The following PSMF1 variants were observed in gnomAD, a reference collection of about 807,000 sequenced individuals.
PSMF1 encodes the protein proteasome inhibitor subunit 1.
In PSMF1, 30 loss-of-function variants were observed where a neutral mutation model predicts 29.3. The observed-to-expected ratio is 1.02, with a 90% confidence interval of 0.77 to 1.39. PSMF1 has a LOEUF of 1.39. PSMF1 is among the 40% of genes most tolerant of loss of function. PSMF1 has a pLI of 0.00. For synonymous variants in PSMF1, 134 were observed against 139.7 expected (o/e 0.96, Z 0.29); for missense variants, 344 against 357.5 (o/e 0.96, Z 0.31).
At chr20:1,153,551 G>A (rs1420617042) in intron 4 of PSMF1, among the ~76,000 whole-genome samples, 1 of 151,902 alleles carries the variant, frequency 6.6e-6, no homozygotes, top group African/African-American at 2.4e-5. Context: ...GGTCAACTGT[G>A]CCATACAACG....
chr20:1,137,641 GA>G, intron 4 of PSMF1, among the ~76,000 whole-genome samples: 1 of 152,126 alleles, frequency 6.6e-6, no homozygotes, highest in Non-Finnish European at 1.5e-5. Context: ...GGGAGAAAAG[GA>G]GGCTCTTGTG....
intron 4 of PSMF1, chr20:1,160,696 C>G: frequency 2.0e-6 from 1 of 492,688 alleles, no homozygotes; most frequent in Non-Finnish European, 4.1e-6. Flanking sequence ...GTCAGGTGCC[C>G]CCAACACCAG....
chr20:1,125,650 G>A lies in PSMF1; in HGVS notation c.282G>A (p.Leu94=). 2 of 1,610,050 alleles carry A rather than the reference G, an allele frequency of 1.2e-6. No individual in the cohort carries two copies. Among genetic ancestry groups the A allele is most frequent in the East Asian group, 4.5e-5 (2 of 44,848 alleles). ...AGAGCAGCATGATCCTCAATGTGCT[G>A]GTGAGTCTCTGGGACACGTGAGTCT... ...TVESSMILNV[L]EYGSQQVADL... Residue 94 remains leucine, a splice_region_variant and synonymous_variant, in exon 2 of 7, where the codon CTG becomes CTA. Transcript: ENST00000335877.
rs2086715341 is a variant in PSMF1 at position 1,165,280 on chromosome 20, C to T, written c.*200C>T. ...CTCTCCACCTAGCTGCAGATAGCTC[C>T]CAAAGAGAAATCAGTGTGTCTCTTT... On this transcript the variant is annotated 3_prime_UTR_variant, in exon 7 of 7. Coordinates refer to ENST00000335877, the MANE Select transcript of PSMF1 (RefSeq NM_006814.5). 7.0e-7 allele frequency: 1 copy of T among 1,418,914 alleles called. No homozygotes were observed. The highest frequency in any genetic ancestry group is 1.6e-5 in the South Asian group (1 of 64,466). The allele number at this position is 1,418,914 out of a possible 1,614,324, so 87.9% of individuals were successfully genotyped here. A position where few individuals can be genotyped will look rare whatever the true frequency, so the allele number is the denominator to read the frequency against.
intron 4 of PSMF1, among the ~76,000 whole-genome samples, chr20:1,149,616 T>G (rs969460523): frequency 1.3e-5 from 2 of 152,240 alleles, no homozygotes; most frequent in Non-Finnish European, 2.9e-5. Context: ...TTTGTCATTC[T>G]TTCAAGTAAA....
At chr20:1,151,307 T>G (rs2086527663) in intron 4 of PSMF1, among the ~76,000 whole-genome samples, 1 of 152,210 alleles carries the variant, frequency 6.6e-6, no homozygotes, top group Non-Finnish European at 1.5e-5. Context: ...GAAGCTGAAG[T>G]TCATGTACAG....
intron 4 of PSMF1, chr20:1,161,669 C>A (rs1299252525): frequency 4.5e-6 from 3 of 666,288 alleles, no homozygotes; most frequent in Non-Finnish European, 8.4e-6. Flanking sequence ...CAAGTCGGGC[C>A]CCTCCATGTC....
chr20:1,165,635 T>C lies in PSMF1; in HGVS notation c.*555T>C, dbSNP rs1233240267. 1.7e-5 allele frequency: 17 copies of C among 996,896 alleles called. No individual in the cohort carries two copies. The highest frequency in any genetic ancestry group is 2.0e-5 in the Non-Finnish European group (17 of 836,326). 61.8% of individuals were successfully genotyped at this position (996,896 alleles called of 1,614,324 possible). A position where few individuals can be genotyped will look rare whatever the true frequency, so the allele number is the denominator to read the frequency against. ...TAATTGCCATTGCTCCTGACATCAC[T>C]AAGATGGGTCCCCTTCTGGCTGCAT... On this transcript the variant is annotated 3_prime_UTR_variant, in exon 7 of 7. Transcript: ENST00000335877.
intron 1 of PSMF1, 113 bp downstream of exon 1, chr20:1,119,015 C>A: frequency 7.1e-7 from 1 of 1,415,586 alleles, no homozygotes. Context: ...AGTGCAGGGT[C>A]TGGGGCAGAT....
At chr20:1,130,224 A>G (rs1031233945) in intron 3 of PSMF1, among the ~76,000 whole-genome samples, 1 of 152,182 alleles carries the variant, frequency 6.6e-6, no homozygotes, top group African/African-American at 2.4e-5. Context: ...GTTTTGCAAA[A>G]TGAAAAGAGA....
chr20:1,122,576 A>G (rs973106443), intron 1 of PSMF1, among the ~76,000 whole-genome samples: 5 of 152,200 alleles, frequency 3.3e-5, no homozygotes, highest in Non-Finnish European at 5.9e-5. Context: ...CTGGGATTAC[A>G]GGCAAGAGCC....
chr20:1,135,009 G>A (rs771864272), intron 3 of PSMF1, 112 bp from the exon 4 acceptor site: 14 of 1,049,140 alleles, frequency 1.3e-5, no homozygotes, highest in East Asian at 4.9e-5. Context: ...CAGGCCAAGC[G>A]CAATGCCAGG....
Position 1,165,211 on chromosome 20 carries a change from GA to G in PSMF1, c.*132del, listed in dbSNP as rs1190989493. On this transcript the variant is annotated 3_prime_UTR_variant, in exon 7 of 7. Coordinates refer to ENST00000335877, the MANE Select transcript of PSMF1 (RefSeq NM_006814.5). ...GCTCATGTGTTTGCAGACCGGCTGG[GA>G]TAGCCTCCCCACCCCTTATCAGAGC... 3 of 1,515,332 alleles carry G rather than the reference GA, an allele frequency of 2.0e-6. No individual in the cohort carries two copies. Among genetic ancestry groups the G allele is most frequent in the Non-Finnish European group, 2.7e-6 (3 of 1,129,852 alleles). 93.9% of individuals were successfully genotyped at this position (1,515,332 alleles called of 1,614,324 possible).
intron 3 of PSMF1, among the ~76,000 whole-genome samples, chr20:1,133,569 A>ATATATATATATATATATATTTTTTTTT: frequency 9.4e-5 from 5 of 53,294 alleles, no homozygotes; most frequent in East Asian, 6.2e-4. Flanking sequence ...ATATATATAT[A>ATATATATATATATATATATTTTTTTTT]TTTTTTTTTT....
chr20:1,145,715 G>T (rs1457795163), intron 4 of PSMF1, among the ~76,000 whole-genome samples: 1 of 152,206 alleles, frequency 6.6e-6, no homozygotes, highest in Non-Finnish European at 1.5e-5. Context: ...TTTACTAAGT[G>T]AAGGCTCTGA....
intron 3 of PSMF1, 131 bp from the exon 4 acceptor site, chr20:1,134,990 A>T: frequency 1.1e-6 from 1 of 879,290 alleles, no homozygotes; most frequent in Non-Finnish European, 1.8e-6. Flanking sequence ...CTGTTCCCCC[A>T]CTTATAAACA....
intron 4 of PSMF1, among the ~76,000 whole-genome samples, chr20:1,150,941 T>A (rs57097943): frequency 0.012 from 1,766 of 152,314 alleles, 33 homozygotes; most frequent in African/African-American, 0.041. Flanking sequence ...AAATATTTTT[T>A]ATGTGTGGTG....
chr20:1,156,835 T>G (rs1331885143), intron 4 of PSMF1, among the ~76,000 whole-genome samples: 1 of 151,166 alleles, frequency 6.6e-6, no homozygotes, highest in East Asian at 1.9e-4. Context: ...AAAAGAAGAG[T>G]GGTAGAAATG....
chr20:1,160,693 GC>G, intron 4 of PSMF1: 1 of 492,978 alleles, frequency 2.0e-6, no homozygotes, highest in Non-Finnish European at 4.1e-6. Flanking sequence ...ACTGTCAGGT[GC>G]CCCCAACACC....
Sources: allele counts gnomAD v4.1 joint callset (sites outside exome capture counted in the v4.1 genomes callset), GRCh38; gene constraint gnomAD v4.1.1; transcripts MANE v1.5; gene names NCBI Gene and HGNC (gene_info 2026-07-23, HGNC 2026-07-21).